The following CDH23 variants were observed in gnomAD, a reference collection of about 807,000 sequenced individuals.
CDH23 encodes the protein cadherin-23.
CDH23 carries 189 observed loss-of-function variants against 317.1 expected under a neutral mutation model. That is an observed-to-expected ratio of 0.60 (90% CI 0.53 to 0.67). CDH23 has a LOEUF of 0.67. Among genes scored for constraint, CDH23 ranks in the 30% least tolerant of loss-of-function variants. CDH23 has a pLI of 0.00. For synonymous variants in CDH23, 1,839 were observed against 1,876.8 expected (o/e 0.98, Z 0.52); for missense variants, 4,401 against 4,592.4 (o/e 0.96, Z 1.20).
chr10:71,609,951 C>CGT (rs34311857), intron 9 of CDH23, among the ~76,000 whole-genome samples: 18,094 of 142,600 alleles, frequency 0.13, 1,134 homozygotes, highest in Non-Finnish European at 0.16. Flanking sequence ...AGGACTCCCC[C>CGT]GTGTGTGTGT....
chr10:71,798,565 G>A lies in CDH23; in HGVS notation c.7041G>A (p.Glu2347=). 3.1e-6 allele frequency: 5 copies of A among 1,610,562 alleles called. No individual in the cohort carries two copies. The highest frequency in any genetic ancestry group is 1.3e-5 in the African/African-American group (1 of 74,956). ...TGCCCCCAGGGTATGTCCAGCTGGA[G>A]GACTCCTCGGCAGGTAGGTTAGAAA... is the stretch of plus-strand genomic sequence containing the variant. ...DLVPPGYVQL[E]DSSAGKVIAN... is the part of the protein sequence containing the mutation. Residue 2347 remains glutamate, a synonymous_variant, in exon 50 of 70, where the codon GAG becomes GAA. Transcript: ENST00000224721.
At chr10:71,583,174 C>A (rs985909748) in intron 9 of CDH23, among the ~76,000 whole-genome samples, 1 of 142,970 alleles carries the variant, frequency 7.0e-6, no homozygotes, top group East Asian at 2.0e-4. Flanking sequence ...AGAGACTCTG[C>A]AGTAGGAGAG....
At chr10:71,525,171 T>C (rs1159564521) in intron 6 of CDH23, among the ~76,000 whole-genome samples, 2 of 152,094 alleles carry the variant, frequency 1.3e-5, no homozygotes, top group Admixed American at 6.5e-5. Flanking sequence ...CCCCCCAAAG[T>C]GCTGGGATTA....
chr10:71,504,644 G>A (rs1284348720), intron 3 of CDH23, among the ~76,000 whole-genome samples: 1 of 152,218 alleles, frequency 6.6e-6, no homozygotes, highest in Non-Finnish European at 1.5e-5. Flanking sequence ...CATGAGGGTA[G>A]GAGAGGCCAA....
At chr10:71,616,994 T>C (rs901418584) in intron 10 of CDH23, among the ~76,000 whole-genome samples, 1 of 152,220 alleles carries the variant, frequency 6.6e-6, no homozygotes. Context: ...TGAATCCTTA[T>C]ACAAGTTACT....
At chr10:71,470,811 T>C (rs1851470598) in intron 3 of CDH23, among the ~76,000 whole-genome samples, 1 of 152,192 alleles carries the variant, frequency 6.6e-6, no homozygotes, top group Non-Finnish European at 1.5e-5. Context: ...ATTTTAGCCA[T>C]TCTAATACTT....
intron 30 of CDH23, among the ~76,000 whole-genome samples, chr10:71,725,914 G>A (rs1381791837): frequency 6.6e-6 from 1 of 151,226 alleles, no homozygotes; most frequent in African/African-American, 2.4e-5. Context: ...AGTTGCTAGT[G>A]ATAGAATCAG....
intron 9 of CDH23, among the ~76,000 whole-genome samples, chr10:71,608,241 GA>G (rs1345482442): frequency 6.6e-6 from 1 of 152,214 alleles, no homozygotes; most frequent in African/African-American, 2.4e-5. Flanking sequence ...ATGACTAGAA[GA>G]GAGACCATTG....
intron 14 of CDH23, among the ~76,000 whole-genome samples, chr10:71,668,620 GA>G (rs1030539726): frequency 1.3e-5 from 2 of 152,240 alleles, no homozygotes; most frequent in African/African-American, 2.4e-5. Context: ...CTGTTGGGAA[GA>G]CTGAATGAAA....
intron 14 of CDH23, among the ~76,000 whole-genome samples, chr10:71,661,516 A>C (rs1046061848): frequency 1.3e-5 from 2 of 152,124 alleles, no homozygotes; most frequent in Non-Finnish European, 2.9e-5. Flanking sequence ...TTTTTAAAAC[A>C]GTGAGGCCAG....
At chr10:71,789,331 G>A (rs1233440929) in intron 45 of CDH23, among the ~76,000 whole-genome samples, 1 of 152,176 alleles carries the variant, frequency 6.6e-6, no homozygotes, top group Non-Finnish European at 1.5e-5. Context: ...TAAGGTGTGA[G>A]GACTACCCCG....
At chr10:71,782,871 G>A (rs556856180) in intron 41 of CDH23, among the ~76,000 whole-genome samples, 4 of 152,376 alleles carry the variant, frequency 2.6e-5, no homozygotes, top group East Asian at 1.9e-4. Context: ...GCCTGGGAGC[G>A]GAAGGGCTGG....
At chr10:71,755,258 T>C (rs1840102675) in intron 38 of CDH23, 8 of 1,041,992 alleles carry the variant, frequency 7.7e-6, no homozygotes, top group Non-Finnish European at 1.1e-5. Context: ...TGAAAAGGAA[T>C]TGTGCCTGCA....
At chr10:71,692,351 C>A (rs1306286537) in intron 20 of CDH23, among the ~76,000 whole-genome samples, 1 of 152,226 alleles carries the variant, frequency 6.6e-6, no homozygotes, top group Non-Finnish European at 1.5e-5. Flanking sequence ...CATTTTCTTG[C>A]TGCCTTAACA....
intron 14 of CDH23, among the ~76,000 whole-genome samples, chr10:71,670,342 G>A (rs12413374): frequency 1.3e-5 from 2 of 152,246 alleles, no homozygotes; most frequent in Admixed American, 6.5e-5. Flanking sequence ...ATTGGGCAGA[G>A]ATGTTGAGCC....
At chr10:71,526,676 G>A (rs1032971570) in intron 6 of CDH23, among the ~76,000 whole-genome samples, 2 of 152,204 alleles carry the variant, frequency 1.3e-5, no homozygotes, top group African/African-American at 4.8e-5. Context: ...CTAAACCCCA[G>A]GGGTACTGGA....
intron 45 of CDH23, among the ~76,000 whole-genome samples, chr10:71,789,431 A>C (rs1186941044): frequency 6.6e-6 from 1 of 152,018 alleles, no homozygotes; most frequent in Admixed American, 6.5e-5. Flanking sequence ...GAGCATCTAT[A>C]ACTAGAAGTG....
chr10:71,620,327 C>T (rs1175857979), intron 11 of CDH23, among the ~76,000 whole-genome samples: 1 of 152,110 alleles, frequency 6.6e-6, no homozygotes, highest in Non-Finnish European at 1.5e-5. Context: ...CGTGGCACAG[C>T]GCCCAGTACG....
intron 39 of CDH23, 113 bp from the exon 40 acceptor site, chr10:71,778,076 C>T: frequency 6.7e-7 from 1 of 1,492,510 alleles, no homozygotes; most frequent in East Asian, 2.4e-5. Context: ...TAGGGGGTGG[C>T]AGTGGTTCCC....
Sources: allele counts gnomAD v4.1 joint callset (sites outside exome capture counted in the v4.1 genomes callset), GRCh38; gene constraint gnomAD v4.1.1; transcripts MANE v1.5; gene names NCBI Gene and HGNC (gene_info 2026-07-23, HGNC 2026-07-21).